Variants in MAN2B2 observed in about 807,000 individuals in gnomAD.
MAN2B2 encodes mannosidase alpha class 2B member 2, also known as epididymis-specific alpha-mannosidase.
Under a neutral mutation model 117.1 loss-of-function variants are expected in MAN2B2, and 106 were observed. The ratio of observed to expected loss-of-function variants is 0.90; its 90% CI spans 0.77 to 1.06. MAN2B2 has a LOEUF of 1.06. Ranked by LOEUF, MAN2B2 falls within the 50% of genes least tolerant of loss-of-function variation. MAN2B2 has a pLI of 0.00. For synonymous variants in MAN2B2, 544 were observed against 595.1 expected (o/e 0.91, Z 1.25); for missense variants, 1,326 against 1,381.4 (o/e 0.96, Z 0.64).
intron 16 of MAN2B2, among the ~76,000 whole-genome samples, chr4:6,615,392 C>T (rs914719893): frequency 2.0e-5 from 3 of 152,126 alleles, no homozygotes; most frequent in Admixed American, 2.0e-4. Flanking sequence ...TCCTCACCAC[C>T]ACACCAGGAG....
intron 16 of MAN2B2, 77 bp downstream of exon 16, chr4:6,614,432 C>G: frequency 6.5e-7 from 1 of 1,543,834 alleles, no homozygotes; most frequent in Non-Finnish European, 8.8e-7. Context: ...CACCACCAGA[C>G]AGGGGCTCAC....
At chr4:6,609,639 G>A (rs1727687856) in intron 12 of MAN2B2, 159 bp from the exon 13 acceptor site, 2 of 906,954 alleles carry the variant, frequency 2.2e-6, no homozygotes, top group African/African-American at 1.7e-5. Flanking sequence ...AGCCGCTCGG[G>A]GTCCTGGGTG....
intron 3 of MAN2B2, among the ~76,000 whole-genome samples, chr4:6,579,123 CTACCACCACCACCACCAT>C (rs1726228987): frequency 2.5e-5 from 1 of 40,002 alleles, no homozygotes; most frequent in Admixed American, 2.4e-4. Context: ...ACCATCACCA[CTACCACCACCACCACCAT>C]CACCACCACC....
chr4:6,586,884 C>A, intron 3 of MAN2B2, 112 bp from the exon 4 acceptor site: 1 of 905,884 alleles, frequency 1.1e-6, no homozygotes, highest in Non-Finnish European at 1.7e-6. Flanking sequence ...CTGCCTGGCC[C>A]AGTAGCTGGC....
rs150158744 is a variant in MAN2B2, at chr4:6,593,299, C to T, written c.807C>T (p.Asn269=). 91 of 1,613,940 alleles carry T rather than the reference C, an allele frequency of 5.6e-5. No individual in the cohort carries two copies. The highest frequency in any genetic ancestry group is 3.6e-4 in the African/African-American group (27 of 75,050). The change falls in exon 6 of 19, where the codon AAC becomes AAT. Residue 269 remains asparagine, a synonymous_variant. Transcript: ENST00000285599. ...INLYAEALVA[N]VKQRAAWFRT... is the part of the protein sequence containing the mutation. ...TCTATGCCGAGGCCCTGGTGGCCAA[C>T]GTGAAGCAGAGGGCCGCCTGGTTCC... is the stretch of plus-strand genomic sequence containing the variant.
chr4:6,585,041 G>C lies in MAN2B2; in HGVS notation c.392-1955G>C, dbSNP rs184100257. Among the ~76,000 whole-genome samples the C allele has an allele frequency of 4.0e-4, 61 of 151,904 alleles. No individual in the cohort carries two copies. The East Asian group carries it at 0.011, about 27-fold the overall frequency. ...TCATCCTGCAGCTGGCACTCCCCCT[G>C]TGCTCCCCCCACCCTCTGGCTGCTC... On this transcript the variant is annotated intron_variant, in intron 3 of 18. Transcript: ENST00000285599.
chr4:6,616,515 G>A (rs1711882104), intron 16 of MAN2B2, among the ~76,000 whole-genome samples: 1 of 152,178 alleles, frequency 6.6e-6, no homozygotes, highest in Non-Finnish European at 1.5e-5. Flanking sequence ...TCTTGCTGTG[G>A]CCACCACGCC....
intron 3 of MAN2B2, among the ~76,000 whole-genome samples, chr4:6,579,286 CCAT>C (rs1560634974): frequency 9.8e-5 from 11 of 112,058 alleles, no homozygotes; most frequent in African/African-American, 1.7e-4. Context: ...ACCACCATCA[CCAT>C]CACCACCACC....
intron 3 of MAN2B2, 75 bp from the exon 4 acceptor site, chr4:6,586,920 TC>T (rs2108738405): frequency 1.4e-6 from 2 of 1,427,324 alleles, no homozygotes; most frequent in East Asian, 4.6e-5. Flanking sequence ...ATAGGCAGGG[TC>T]CCCTGGGGTG....
Position 6,579,691 on chromosome 4 carries a change from GCCA to G in MAN2B2, c.391+1200_391+1202del, listed in dbSNP as rs530191125. On this transcript the variant is annotated intron_variant, in intron 3 of 18. Transcript: ENST00000285599. Reference sequence around the variant, plus strand: ...ACCATGATCACCACCCATCACTGTCGCCACCACCATCACCACATCCATTACTAC... The same window carrying G: ...ACCATGATCACCACCCATCACTGTCGCCACCATCACCACATCCATTACTAC... Among the ~76,000 whole-genome samples the G allele has an allele frequency of 1.4e-4, 20 of 145,176 alleles. No homozygotes were observed. The East Asian group carries it at 3.7e-3, about 27-fold the overall frequency.
At chr4:6,600,548 G>C in intron 9 of MAN2B2, 75 bp from the exon 10 acceptor site, 1 of 1,556,962 alleles carries the variant, frequency 6.4e-7, no homozygotes, top group Non-Finnish European at 8.8e-7. Flanking sequence ...CCCTCATACT[G>C]AGGTGCAGCC....
chr4:6,575,881 C>A (rs536468828), intron 1 of MAN2B2, among the ~76,000 whole-genome samples: 1 of 152,272 alleles, frequency 6.6e-6, no homozygotes, highest in South Asian at 2.1e-4. Flanking sequence ...GGGAAGCATG[C>A]CCACTACAGC....
chr4:6,610,156 TG>T, intron 13 of MAN2B2, 106 bp downstream of exon 13: 15 of 1,477,866 alleles, frequency 1.0e-5, no homozygotes, highest in Non-Finnish European at 1.4e-5. Context: ...CCAGTGAGAA[TG>T]TTTTTTTCCT....
chr4:6,576,706 G>C lies in MAN2B2; in HGVS notation c.267G>C (p.Ser89=), dbSNP rs375473664. 6.8e-6 allele frequency: 11 copies of C among 1,613,742 alleles called. No individual in the cohort carries two copies. Among genetic ancestry groups the C allele is most frequent in the South Asian group, 1.1e-5 (1 of 91,092 alleles). Residue 89 remains serine, a synonymous_variant, in exon 2 of 19, where the codon TCG becomes TCC. Transcript: ENST00000285599. ...GGCTGTGGTGGGATGGCGTCGCCTC[G>C]GACCAGCAGAAATACCAGGTAATGA... The part of the protein sequence containing the change: ...FFRLWWDGVA[S]DQQKYQVRQL...
At position 6,576,635 on chromosome 4, in the gene MAN2B2, C is replaced by T. The variant is rs750207824; in HGVS notation, c.196C>T (p.Arg66Cys). The change falls in exon 2 of 19, where the codon CGC becomes TGC. Residue 66 changes from arginine (R) to cysteine (C), a missense_variant. By Grantham distance (180) the Arg-to-Cys change is radical. Coordinates refer to ENST00000285599, the MANE Select transcript of MAN2B2 (RefSeq NM_015274.3). ...CACCTCAGTGGTGGAAGAGCTGGCC[C>T]GCGGCCAGCAGCGCCGGTTCATCGC... ...VYTSVVEELA[R>C]GQQRRFIAVE... The T allele has an allele frequency of 4.3e-6, 7 of 1,613,914 alleles. No individual in the cohort carries two copies. The highest frequency in any genetic ancestry group is 3.3e-5 in the Admixed American group (2 of 60,032).
In MAN2B2 at chr4:6,593,367, G is replaced by A. The variant is rs777305064; in HGVS notation, c.858+17G>A. 4 of 1,604,840 alleles carry A rather than the reference G, an allele frequency of 2.5e-6. No individual in the cohort carries two copies. The highest frequency in any genetic ancestry group is 3.4e-6 in the Non-Finnish European group (4 of 1,175,690). On this transcript the variant is annotated intron_variant, in intron 6 of 18. Transcript: ENST00000285599. ...TGGCCCTGGGTAAGGCAGAGTCCCA[G>A]GTGCTGTGCCCTCAACACAGCCCAA...
chr4:6,604,839 C>T (rs759347209), intron 10 of MAN2B2, among the ~76,000 whole-genome samples: 2 of 151,950 alleles, frequency 1.3e-5, no homozygotes, highest in Non-Finnish European at 2.9e-5. Context: ...TTGGGGACCC[C>T]AAGAACCAGC....
At chr4:6,579,325 CCACCACCACCACCACCAT>C (rs1726307830) in intron 3 of MAN2B2, among the ~76,000 whole-genome samples, 5 of 57,288 alleles carry the variant, frequency 8.7e-5, no homozygotes, top group African/African-American at 2.5e-4. Context: ...ACCATCACCA[CCACCACCACCACCACCAT>C]CACCATCACC....
At chr4:6,579,618 A>T (rs559670354) in intron 3 of MAN2B2, among the ~76,000 whole-genome samples, 196 of 148,614 alleles carry the variant, frequency 1.3e-3, no homozygotes, top group South Asian at 0.01. Flanking sequence ...TCACCACTAC[A>T]ATGACCATTA....
Sources: gnomAD v4.1 joint callset for allele counts (sites outside exome capture counted in the v4.1 genomes callset) on GRCh38, gnomAD v4.1.1 for gene constraint, MANE v1.5 for transcripts, NCBI Gene and HGNC (gene_info 2026-07-23, HGNC 2026-07-21) for gene names.